Variants in TREM1 observed in about 807,000 individuals in gnomAD.
TREM1 encodes the protein triggering receptor expressed on monocytes 1.
Under a neutral mutation model 22.4 loss-of-function variants are expected in TREM1, and 16 were observed. That is an observed-to-expected ratio of 0.71 (90% confidence interval 0.48 to 1.08). The LOEUF (loss-of-function observed/expected upper bound fraction) is 1.08. Among genes scored for constraint, TREM1 ranks in the 50% least tolerant of loss-of-function variants. TREM1 has a pLI of 0.00. For missense variants in TREM1, 283 were observed against 282.9 expected (o/e 1.00, Z 0.00); for synonymous variants, 110 against 111.6 (o/e 0.99, Z 0.09).
At chr6:41,276,266 A>C (rs1470458828) in intron 3 of TREM1, 36 bp from the exon 4 acceptor site, 1 of 1,515,128 alleles carries the variant, frequency 6.6e-7, no homozygotes, top group Non-Finnish European at 9.2e-7. Flanking sequence ...TACTGCTGGC[A>C]AAGTCTCTCC....
chr6:41,281,416 G>A (rs1398790059), intron 2 of TREM1: 2 of 469,078 alleles, frequency 4.3e-6, no homozygotes, highest in Non-Finnish European at 7.6e-6. Flanking sequence ...AGGAAGTGAG[G>A]GAGAGCAGAA....
At chr6:41,277,359 G>A (rs547784457) in intron 3 of TREM1, among the ~76,000 whole-genome samples, 9 of 151,902 alleles carry the variant, frequency 5.9e-5, no homozygotes, top group South Asian at 2.1e-4. Flanking sequence ...GGGCAGAGAC[G>A]GGGGCAGGGA....
At chr6:41,271,786 G>A (rs1486306816), downstream of TREM1, among the ~76,000 whole-genome samples, 4 of 152,192 alleles carry the variant, frequency 2.6e-5, no homozygotes, top group Middle Eastern at 3.4e-3. Context: ...TTTCCCATTT[G>A]TACCACATTA....
In TREM1 at chr6:41,281,099, A is replaced by C. The variant is rs763419377; in HGVS notation, c.461T>G (p.Ile154Ser). Residue 154 changes from isoleucine to serine, a missense_variant, in exon 3 of 4, where the codon ATT (isoleucine) becomes AGT (serine). Transcript: ENST00000244709. ...CAAGGCCTTAGTGGTGGTAGGAGGA[A>C]TCTTATACACATTCTGGGTAGAATT... ...NENSTQNVYK[I>S]PPTTTKALCP... is the part of the protein sequence containing the mutation. The C allele has an allele frequency of 6.2e-7, 1 of 1,614,210 alleles. No individual in the cohort carries two copies. The highest frequency in any genetic ancestry group is 1.7e-5 in the Admixed American group (1 of 60,030).
chr6:41,285,323 G>A (rs1269839411), intron 1 of TREM1, among the ~76,000 whole-genome samples: 39 of 152,112 alleles, frequency 2.6e-4, no homozygotes, highest in Admixed American at 2.5e-3. Context: ...ATGTGCTAAG[G>A]GTTTTTAAAG....
At position 41,275,517 on chromosome 6, in the gene TREM1, T is replaced by C. The variant is rs1363440445; in HGVS notation, c.*608A>G. 1 of 152,650 alleles carries C rather than the reference T, an allele frequency of 6.6e-6. No individual in the cohort carries two copies. Among genetic ancestry groups the C allele is most frequent in the Non-Finnish European group, 1.5e-5 (1 of 68,398 alleles). The allele number at this position is 152,650 out of a possible 1,614,324, so 9.5% of individuals were successfully genotyped here. ...GATCCCATCTCGGCCTGCCAGTATTTCCCCAGAAGAAGATACTCAGTTTAA... is the reference window on the plus strand; with the variant it reads ...GATCCCATCTCGGCCTGCCAGTATTCCCCCAGAAGAAGATACTCAGTTTAA... On this transcript the variant is annotated 3_prime_UTR_variant, in exon 4 of 4. Transcript: ENST00000244709.
In TREM1 at chr6:41,281,080, C is replaced by T; in HGVS notation, c.480G>A (p.Lys160=). The part of the protein sequence containing the change: ...NVYKIPPTTT[K]ALCPLYTSPR... ...GGCTGGTATAGAGTGGGCACAAGGCCTTAGTGGTGGTAGGAGGAATCTTAT... is the reference window on the plus strand; with the variant it reads ...GGCTGGTATAGAGTGGGCACAAGGCTTTAGTGGTGGTAGGAGGAATCTTAT... Residue 160 remains lysine (K), a synonymous_variant, in exon 3 of 4, where the codon AAG becomes AAA. Coordinates refer to ENST00000244709, the MANE Select transcript of TREM1 (RefSeq NM_018643.5). 6.2e-7 allele frequency: 1 copy of T among 1,614,188 alleles called. No individual in the cohort carries two copies. Among genetic ancestry groups the T allele is most frequent in the Non-Finnish European group, 8.5e-7 (1 of 1,180,048 alleles).
chr6:41,269,036 G>T (rs12197877), downstream of TREM1, among the ~76,000 whole-genome samples: 18,413 of 152,162 alleles, frequency 0.12, 1,132 homozygotes, highest in Middle Eastern at 0.15. Context: ...TTCAGCCCCA[G>T]CCTGTCCTGA....
chr6:41,283,715 A>AC lies in TREM1; in HGVS notation c.50-965_50-964insG, dbSNP rs1554147912. On this transcript the variant is annotated intron_variant, in intron 1 of 3. Coordinates refer to ENST00000244709, the MANE Select transcript of TREM1 (RefSeq NM_018643.5). ...CCACAGGGCAAGACTCTGTTAAAAA[A>AC]AAAAACACACACACACACACACACA... Among the ~76,000 whole-genome samples the AC allele has an allele frequency of 4.7e-3, 631 of 134,636 alleles. 3 individuals are homozygous for AC. The highest frequency in any genetic ancestry group is 0.02 in the African/African-American group (600 of 29,496). The allele number at this position is 134,636 out of a possible 152,430, so 88.3% of individuals were successfully genotyped here.
intron 1 of TREM1, among the ~76,000 whole-genome samples, chr6:41,283,475 TGAG>T (rs1049221202): frequency 3.5e-4 from 53 of 151,848 alleles, no homozygotes; most frequent in African/African-American, 1.3e-3. Context: ...TTTGGGAGGA[TGAG>T]GAGGTCAGAT....
intron 1 of TREM1, among the ~76,000 whole-genome samples, chr6:41,284,667 A>T (rs190861771): frequency 1.5e-4 from 23 of 152,104 alleles, no homozygotes; most frequent in Admixed American, 1.5e-3. Flanking sequence ...TTAATACCAC[A>T]CACTTAGGTC....
chr6:41,268,894 C>T (rs906854311), downstream of TREM1, among the ~76,000 whole-genome samples: 48 of 152,268 alleles, frequency 3.2e-4, no homozygotes, highest in African/African-American at 1.0e-3. Context: ...ACCGGGTATC[C>T]TTGGATGTTT....
Position 41,282,742 on chromosome 6 carries a change from G to A in TREM1, c.59C>T (p.Ala20Val). 1 of 1,612,340 alleles carries A rather than the reference G, an allele frequency of 6.2e-7. No homozygotes were observed. The highest frequency in any genetic ancestry group is 8.5e-7 in the Non-Finnish European group (1 of 1,178,974). The part of the protein sequence containing the change: ...LWMLFVSELR[A>V]ATKLTEEKYE... ...CTTTTCCTCAGTTAATTTAGTTGCAGCTCGGAGTTCTATAAGCAGGGAAAG... is the reference window on the plus strand; with the variant it reads ...CTTTTCCTCAGTTAATTTAGTTGCAACTCGGAGTTCTATAAGCAGGGAAAG... Residue 20 changes from alanine (A) to valine (V), a missense_variant, in exon 2 of 4, where the codon GCT becomes GTT. Coordinates refer to ENST00000244709, the MANE Select transcript of TREM1 (RefSeq NM_018643.5).
At chr6:41,271,381 T>TA (rs1767475886), downstream of TREM1, among the ~76,000 whole-genome samples, 1 of 152,166 alleles carries the variant, frequency 6.6e-6, no homozygotes, top group South Asian at 2.1e-4. Flanking sequence ...CAAGGTCACA[T>TA]ACATAGAGTG....
chr6:41,283,898 T>C (rs112380064), intron 1 of TREM1, among the ~76,000 whole-genome samples: 25 of 152,178 alleles, frequency 1.6e-4, no homozygotes, highest in African/African-American at 5.8e-4. Flanking sequence ...AACTTTATTA[T>C]GTGAAACTTT....
chr6:41,278,543 T>C (rs574736612), intron 3 of TREM1, among the ~76,000 whole-genome samples: 2 of 151,698 alleles, frequency 1.3e-5, no homozygotes, highest in South Asian at 4.2e-4. Flanking sequence ...CCTGGTGGTA[T>C]GCACCTGTGG....
At chr6:41,285,284 A>AG (rs917077475) in intron 1 of TREM1, among the ~76,000 whole-genome samples, 8 of 152,236 alleles carry the variant, frequency 5.3e-5, no homozygotes, top group Non-Finnish European at 1.2e-4. Flanking sequence ...GTTAATTAAA[A>AG]GGGTAGCAAA....
chr6:41,282,745 C>G lies in TREM1; in HGVS notation c.56G>C (p.Arg19Pro). 6.2e-7 allele frequency: 1 copy of G among 1,611,806 alleles called. No homozygotes were observed. Among genetic ancestry groups the G allele is most frequent in the Non-Finnish European group, 8.5e-7 (1 of 1,178,748 alleles). The stretch of plus-strand genomic sequence containing the variant: ...TTCCTCAGTTAATTTAGTTGCAGCT[C>G]GGAGTTCTATAAGCAGGGAAAGAGA... ...LLWMLFVSEL[R>P]AATKLTEEKY... Residue 19 changes from arginine (R) to proline (P), a missense_variant, in exon 2 of 4, where the codon CGA becomes CCA. Arg to Pro is a moderately radical substitution (Grantham distance 103, BLOSUM62 -2). Coordinates refer to ENST00000244709, the MANE Select transcript of TREM1 (RefSeq NM_018643.5).
In TREM1 at chr6:41,279,472, A is replaced by G. The variant is rs191219734; in HGVS notation, c.599+1489T>C. ...GGTAAAAGTAAGAATATGGGCAAAG[A>G]TTATGTTCTCTTAACTTATGTATTG... On this transcript the variant is annotated intron_variant, in intron 3 of 3. Transcript: ENST00000244709. 4.6e-5 allele frequency: 44 copies of G among 961,442 alleles called. No individual in the cohort carries two copies. The Admixed American group carries it at 2.4e-3, about 52-fold the overall frequency. 59.6% of individuals were successfully genotyped at this position (961,442 alleles called of 1,614,324 possible).
Sources: allele counts gnomAD v4.1 joint callset (sites outside exome capture counted in the v4.1 genomes callset), GRCh38; gene constraint gnomAD v4.1.1; transcripts MANE v1.5; gene names NCBI Gene and HGNC (gene_info 2026-07-23, HGNC 2026-07-21).